The following SFI1 variants were observed in gnomAD, a reference collection of about 807,000 sequenced individuals.
The protein encoded by SFI1 is protein SFI1 homolog.
Under a neutral mutation model 207.5 loss-of-function variants are expected in SFI1, and 195 were observed. That is an observed-to-expected ratio of 0.94 (90% CI 0.84 to 1.06). The LOEUF is 1.06. Ranked by LOEUF, SFI1 falls within the 50% of genes least tolerant of loss-of-function variation. The pLI, the probability that SFI1 is intolerant of heterozygous loss-of-function variation, is 0.00. For missense variants in SFI1, 1,634 were observed against 1,588.0 expected, an observed-to-expected ratio of 1.03 and a Z score of -0.49; for synonymous variants, 630 against 598.9, an observed-to-expected ratio of 1.05 and a Z score of -0.76.
At chr22:31,522,738 C>G (rs1438904356) in intron 2 of SFI1, among the ~76,000 whole-genome samples, 3 of 152,172 alleles carry the variant, frequency 2.0e-5, no homozygotes, top group Non-Finnish European at 4.4e-5. Context: ...TCACTGCAAC[C>G]TCTGCCTCCC....
chr22:31,565,551 T>G (rs1294329661), intron 8 of SFI1, among the ~76,000 whole-genome samples: 1 of 148,456 alleles, frequency 6.7e-6, no homozygotes, highest in Non-Finnish European at 1.5e-5. Flanking sequence ...AAAAAAAAAT[T>G]AGCTAGACGT....
rs751135827 is a variant in SFI1, at chr22:31,589,586, C to T, written c.1544+9C>T. Reference sequence around the variant, plus strand: ...GCAACACGTTTCCACAGGTATGTTGCGCAGCTCCTGTCTGCACTGGGGCAG... The same window carrying T: ...GCAACACGTTTCCACAGGTATGTTGTGCAGCTCCTGTCTGCACTGGGGCAG... On this transcript the variant is annotated intron_variant, in intron 15 of 32. Coordinates refer to ENST00000400288, the MANE Select transcript of SFI1 (RefSeq NM_001007467.3). The T allele has an allele frequency of 5.6e-6, 9 of 1,609,416 alleles. No homozygotes were observed. The highest frequency in any genetic ancestry group is 2.2e-5 in the East Asian group (1 of 44,772).
intron 1 of SFI1, among the ~76,000 whole-genome samples, chr22:31,503,714 A>G (rs959604874): frequency 8.6e-5 from 13 of 150,586 alleles, no homozygotes; most frequent in African/African-American, 3.2e-4. Context: ...CAGCCTCCCA[A>G]GTAGCTCGGA....
At chr22:31,508,032 T>C (rs1465389867) in intron 1 of SFI1, among the ~76,000 whole-genome samples, 3 of 151,982 alleles carry the variant, frequency 2.0e-5, no homozygotes, top group African/African-American at 7.3e-5. Flanking sequence ...GCTGAGATCG[T>C]GCCACTGCAC....
chr22:31,549,899 G>C (rs12158780), intron 5 of SFI1, among the ~76,000 whole-genome samples: 22 of 151,518 alleles, frequency 1.5e-4, no homozygotes, highest in African/African-American at 5.1e-4. Flanking sequence ...TTGGTGTGTT[G>C]GGTTAGGAGT....
chr22:31,607,776 T>C (rs1332319959), intron 21 of SFI1, 161 bp from the exon 22 acceptor site: 1 of 584,436 alleles, frequency 1.7e-6, no homozygotes, highest in Non-Finnish European at 3.1e-6. Flanking sequence ...GTCCTATTGC[T>C]CAGTGGTCTG....
At chr22:31,502,835 C>G (rs775072118) in intron 1 of SFI1, among the ~76,000 whole-genome samples, 1 of 151,862 alleles carries the variant, frequency 6.6e-6, no homozygotes, top group African/African-American at 2.4e-5. Flanking sequence ...AGATTATGGC[C>G]GAGCGTGGTG....
At chr22:31,613,555 G>A in intron 26 of SFI1, 25 bp downstream of exon 26, 1 of 1,580,148 alleles carries the variant, frequency 6.3e-7, no homozygotes. Context: ...CCTTCCTGTG[G>A]GGAGCAGGCA....
At chr22:31,603,945 A>G in intron 18 of SFI1, 126 bp downstream of exon 18, 1 of 918,360 alleles carries the variant, frequency 1.1e-6, no homozygotes, top group Non-Finnish European at 1.6e-6. Flanking sequence ...GAGAACAGGC[A>G]GCATAGAAAG....
At chr22:31,593,929 G>A (rs2066593514) in intron 15 of SFI1, among the ~76,000 whole-genome samples, 1 of 145,320 alleles carries the variant, frequency 6.9e-6, no homozygotes, top group South Asian at 2.3e-4. Context: ...AGCCGAGATG[G>A]CAGCAGTACA....
chr22:31,616,819 T>G lies in SFI1; in HGVS notation c.3375T>G (p.His1125Gln). Residue 1125 changes from histidine (H) to glutamine (Q), a missense_variant, in exon 30 of 33, where the codon CAT (histidine) becomes CAG (glutamine). Physicochemically the swap from His to Gln is conservative, Grantham distance 24. Coordinates refer to ENST00000400288, the MANE Select transcript of SFI1 (RefSeq NM_001007467.3). ...CCCTGGCCAGTGTCCCTGACCCCCA[T>G]CTACTCCTTCCTGGGGACTTCTCAG... ...PSSLASVPDP[H>Q]LLLPGDFSAT... 6.2e-7 allele frequency: 1 copy of G among 1,612,762 alleles called. No homozygotes were observed. Among genetic ancestry groups the G allele is most frequent in the Non-Finnish European group, 8.5e-7 (1 of 1,179,312 alleles).
At chr22:31,580,542 C>CTTTTTTTTTT (rs11347645) in intron 12 of SFI1, among the ~76,000 whole-genome samples, 178 bp downstream of exon 12, 144 of 117,206 alleles carry the variant, frequency 1.2e-3, no homozygotes, top group Non-Finnish European at 1.6e-3. Flanking sequence ...CTTTTCTTTT[C>CTTTTTTTTTT]TTTTTTTTTT....
chr22:31,617,618 G>A (rs1603382521), intron 31 of SFI1, among the ~76,000 whole-genome samples: 1 of 152,080 alleles, frequency 6.6e-6, no homozygotes, highest in African/African-American at 2.4e-5. Context: ...CTACTTGGAA[G>A]GCTGAGGCAG....
At chr22:31,574,625 G>A (rs1211165749) in intron 9 of SFI1, among the ~76,000 whole-genome samples, 1 of 152,194 alleles carries the variant, frequency 6.6e-6, no homozygotes, top group Non-Finnish European at 1.5e-5. Flanking sequence ...CTGTTCATCA[G>A]TATCTAACTA....
In SFI1 at chr22:31,616,562, T is replaced by G. The variant is rs941396161; in HGVS notation, c.3301-183T>G. 49 of 593,862 alleles carry G rather than the reference T, an allele frequency of 8.3e-5. No individual in the cohort carries two copies. In the African/African-American group the frequency reaches 8.9e-4, roughly 11 times the overall value. 36.8% of individuals were successfully genotyped at this position (593,862 alleles called of 1,614,324 possible). On this transcript the variant is annotated intron_variant, in intron 29 of 32. Coordinates refer to ENST00000400288, the MANE Select transcript of SFI1 (RefSeq NM_001007467.3). ...GACTTTCCCCTACAGTACCAGGCCC[T>G]GTGTGCAGGGGCAGGCTAGACACTG...
intron 2 of SFI1, among the ~76,000 whole-genome samples, chr22:31,517,752 A>G (rs1461603952): frequency 6.6e-6 from 1 of 152,032 alleles, no homozygotes; most frequent in Non-Finnish European, 1.5e-5. Context: ...AGTGTCCATT[A>G]AGGCCAAGTC....
chr22:31,496,462 T>G (rs1273385899), upstream of SFI1: 2 of 152,306 alleles, frequency 1.3e-5, no homozygotes, highest in African/African-American at 4.8e-5. Flanking sequence ...GGGGTGGTCC[T>G]CGTGCGCGCC....
chr22:31,566,033 C>T (rs1212950358), intron 8 of SFI1, among the ~76,000 whole-genome samples: 3 of 151,782 alleles, frequency 2.0e-5, no homozygotes, highest in South Asian at 4.2e-4. Flanking sequence ...AAACAAGGCA[C>T]CATTTATCTG....
chr22:31,611,363 A>G, intron 23 of SFI1, 60 bp downstream of exon 23: 1 of 1,514,874 alleles, frequency 6.6e-7, no homozygotes, highest in East Asian at 2.3e-5. Flanking sequence ...TGTCCAGGCC[A>G]GGAGACCATT....
Sources: allele counts gnomAD v4.1 joint callset (sites outside exome capture counted in the v4.1 genomes callset), GRCh38; gene constraint gnomAD v4.1.1; transcripts MANE v1.5; gene names NCBI Gene and HGNC (gene_info 2026-07-23, HGNC 2026-07-21).